Variants in FER observed in about 807,000 individuals in gnomAD.
FER encodes the protein tyrosine-protein kinase Fer.
Under a neutral mutation model 111.0 loss-of-function variants are expected in FER, and 63 were observed. That is an observed-to-expected ratio of 0.57 (90% CI 0.46 to 0.70). The LOEUF (loss-of-function observed/expected upper bound fraction) is 0.70. Among genes scored for constraint, FER ranks in the 30% least tolerant of loss-of-function variants. The probability of loss-of-function intolerance (pLI) is 0.00; values close to 1 mark genes in which losing one functional copy is unlikely to be tolerated. For synonymous variants in FER, 327 were observed against 313.9 expected, an observed-to-expected ratio of 1.04 and a Z score of -0.44; for missense variants, 914 against 954.0, an observed-to-expected ratio of 0.96 and a Z score of 0.55.
intron 3 of FER, among the ~76,000 whole-genome samples, chr5:108,810,154 G>A (rs1757599153): frequency 6.6e-6 from 1 of 152,008 alleles, no homozygotes; most frequent in Non-Finnish European, 1.5e-5. Context: ...TATAGAGAAT[G>A]TTCAGTAATG....
intron 8 of FER, among the ~76,000 whole-genome samples, chr5:108,876,480 A>G (rs1404577066): frequency 6.6e-6 from 1 of 152,190 alleles, no homozygotes; most frequent in African/African-American, 2.4e-5. Context: ...TGCCACACAT[A>G]TCAGTATACT....
intron 10 of FER, among the ~76,000 whole-genome samples, chr5:108,935,239 C>G (rs909389695): frequency 2.0e-5 from 3 of 152,222 alleles, no homozygotes; most frequent in East Asian, 1.9e-4. Context: ...AGGGTTGATT[C>G]CTTCAGGAGT....
At chr5:108,814,106 C>A (rs967939460) in intron 3 of FER, among the ~76,000 whole-genome samples, 2 of 151,938 alleles carry the variant, frequency 1.3e-5, no homozygotes, top group East Asian at 3.9e-4. Context: ...TTGGCAATTA[C>A]TTTTTCATTC....
intron 10 of FER, among the ~76,000 whole-genome samples, chr5:108,922,593 G>A (rs930767269): frequency 2.0e-5 from 3 of 152,092 alleles, no homozygotes; most frequent in African/African-American, 4.8e-5. Context: ...TAAGTGCCTG[G>A]CACCTAATTA....
intron 10 of FER, among the ~76,000 whole-genome samples, chr5:108,919,837 G>A (rs1752795627): frequency 6.6e-6 from 1 of 152,114 alleles, no homozygotes; most frequent in African/African-American, 2.4e-5. Context: ...AATCCTCTGT[G>A]CTATTAATGT....
chr5:108,907,209 C>A (rs1750906903), intron 10 of FER, among the ~76,000 whole-genome samples: 1 of 152,106 alleles, frequency 6.6e-6, no homozygotes, highest in Non-Finnish European at 1.5e-5. Context: ...TTCTCCATTT[C>A]CTTTTTCCCT....
chr5:109,112,549 C>T (rs986530300), intron 17 of FER, among the ~76,000 whole-genome samples: 4 of 152,052 alleles, frequency 2.6e-5, no homozygotes, highest in Non-Finnish European at 4.4e-5. Flanking sequence ...TCACTATGCC[C>T]GGAGGTTTTG....
At chr5:109,019,256 T>C (rs10079180) in intron 13 of FER, among the ~76,000 whole-genome samples, 18 of 151,780 alleles carry the variant, frequency 1.2e-4, no homozygotes, top group Non-Finnish European at 2.2e-4. Context: ...TGTGATTATG[T>C]CATATTCTCT....
rs560222997 is a variant in FER at position 109,007,475 on chromosome 5, A to T, written c.1657-29947A>T. ...TTCTATGCCCCTTTCTAGTCAACCC[A>T]GCTACTTACCCTTTGGAAAGTGAGA... On this transcript the variant is annotated intron_variant, in intron 13 of 19. Coordinates refer to ENST00000281092, the MANE Select transcript of FER (RefSeq NM_005246.4). Among the ~76,000 whole-genome samples, 55 of 152,186 alleles carry T rather than the reference A, an allele frequency of 3.6e-4. 1 individual carries two copies. Among genetic ancestry groups the T allele is most frequent in the Non-Finnish European group, 4.4e-5 (3 of 68,016 alleles).
intron 2 of FER, among the ~76,000 whole-genome samples, chr5:108,793,649 A>G (rs989713835): frequency 5.9e-4 from 90 of 152,142 alleles, no homozygotes; most frequent in African/African-American, 2.1e-3. Flanking sequence ...GCAGTGTTTC[A>G]GGATTCTCTC....
chr5:109,127,147 T>C, intron 17 of FER, among the ~76,000 whole-genome samples: 1 of 152,226 alleles, frequency 6.6e-6, no homozygotes, highest in Admixed American at 6.5e-5. Flanking sequence ...CACTTCCATC[T>C]AACCATGGAT....
At chr5:109,069,482 G>C (rs991799361) in intron 16 of FER, among the ~76,000 whole-genome samples, 1 of 152,126 alleles carries the variant, frequency 6.6e-6, no homozygotes, top group Non-Finnish European at 1.5e-5. Context: ...GAGACACATA[G>C]GAAACCAGAG....
intron 17 of FER, among the ~76,000 whole-genome samples, chr5:109,112,403 A>G (rs1024148551): frequency 1.3e-5 from 2 of 152,180 alleles, no homozygotes; most frequent in Non-Finnish European, 1.5e-5. Flanking sequence ...CAGCCTCTCT[A>G]TGTATCCACT....
intron 3 of FER, among the ~76,000 whole-genome samples, chr5:108,825,805 A>G (rs997839528): frequency 1.3e-5 from 2 of 152,208 alleles, no homozygotes; most frequent in Non-Finnish European, 2.9e-5. Flanking sequence ...TTCATAATCC[A>G]CGTTCTTCTG....
At chr5:109,158,315 A>T (rs1186438379) in intron 17 of FER, among the ~76,000 whole-genome samples, 2 of 152,084 alleles carry the variant, frequency 1.3e-5, no homozygotes, top group Non-Finnish European at 2.9e-5. Context: ...GAGGTAGATG[A>T]ATCACCTGAA....
At chr5:108,804,804 C>T (rs1285771461) in intron 3 of FER, among the ~76,000 whole-genome samples, 2 of 152,046 alleles carry the variant, frequency 1.3e-5, no homozygotes, top group African/African-American at 4.8e-5. Flanking sequence ...CAGTTTTCTG[C>T]TTTTGTTGTG....
chr5:108,887,509 G>A (rs1056564855), intron 9 of FER, among the ~76,000 whole-genome samples: 8 of 151,510 alleles, frequency 5.3e-5, no homozygotes, highest in East Asian at 1.9e-4. Flanking sequence ...TGTAGCTATC[G>A]CAGAATTTTA....
In FER at chr5:109,194,363, TAC is replaced by T. The variant is rs1411264935; in HGVS notation, c.*6790_*6791del. ...CAAAATAAGTCATTCTACCTAGAAA[TAC>T]AGACCCCAGAGCACATTGCATGAAA... On this transcript the variant is annotated 3_prime_UTR_variant, in exon 20 of 20. Coordinates refer to ENST00000281092, the MANE Select transcript of FER (RefSeq NM_005246.4). 6.6e-6 allele frequency: 1 copy of T among 152,162 alleles called. No homozygotes were observed. The highest frequency in any genetic ancestry group is 1.5e-5 in the Non-Finnish European group (1 of 68,026). The allele number at this position is 152,162 out of a possible 1,614,324, so 9.4% of individuals were successfully genotyped here. A position where few individuals can be genotyped will look rare whatever the true frequency, so the allele number is the denominator to read the frequency against.
At chr5:108,814,563 G>C (rs1430886207) in intron 3 of FER, among the ~76,000 whole-genome samples, 1 of 152,168 alleles carries the variant, frequency 6.6e-6, no homozygotes, top group Admixed American at 6.5e-5. Flanking sequence ...AAGAATTGAT[G>C]TTATTATCTT....
Sources: gnomAD v4.1 joint callset for allele counts (sites outside exome capture counted in the v4.1 genomes callset) on GRCh38, gnomAD v4.1.1 for gene constraint, MANE v1.5 for transcripts, NCBI Gene and HGNC (gene_info 2026-07-23, HGNC 2026-07-21) for gene names.